Variants in PPP1R12A observed in about 807,000 individuals in gnomAD.
PPP1R12A encodes the protein protein phosphatase 1 regulatory subunit 12A, also known as myosin binding subunit.
In PPP1R12A, 19 loss-of-function variants were observed where a neutral mutation model predicts 139.6. The observed-to-expected ratio is 0.14, with a 90% CI of 0.09 to 0.20. PPP1R12A has a LOEUF of 0.20. Ranked by LOEUF, PPP1R12A falls within the 10% of genes least tolerant of loss-of-function variation. The probability of loss-of-function intolerance (pLI) is 1.00; values close to 1 mark genes in which losing one functional copy is unlikely to be tolerated. For synonymous variants in PPP1R12A, 427 were observed against 420.6 expected, an observed-to-expected ratio of 1.02 and a Z score of -0.19; for missense variants, 925 against 1,211.5, an observed-to-expected ratio of 0.76 and a Z score of 3.51.
chr12:79,890,897 ACACC>A (rs759199406), intron 1 of PPP1R12A, among the ~76,000 whole-genome samples: 169 of 90,924 alleles, frequency 1.9e-3, no homozygotes, highest in East Asian at 0.013. Context: ...CCACCCACCC[ACACC>A]CACCCACACA....
intron 4 of PPP1R12A, among the ~76,000 whole-genome samples, chr12:79,829,759 TATGAACA>T (rs1396871129): frequency 6.6e-6 from 1 of 151,988 alleles, no homozygotes; most frequent in East Asian, 1.9e-4. Flanking sequence ...CATTAGGAAA[TATGAACA>T]ATAATAATGT....
chr12:79,898,871 TAAA>T (rs1471580831), intron 1 of PPP1R12A, among the ~76,000 whole-genome samples: 1 of 152,160 alleles, frequency 6.6e-6, no homozygotes, highest in Non-Finnish European at 1.5e-5. Context: ...TCTACTTAAA[TAAA>T]AACATTTTTA....
At chr12:79,930,250 C>G (rs1888150600) in intron 1 of PPP1R12A, among the ~76,000 whole-genome samples, 1 of 152,006 alleles carries the variant, frequency 6.6e-6, no homozygotes. Flanking sequence ...ATGTAAAGAT[C>G]TAGTTGAAAC....
At chr12:79,920,255 T>C (rs755865708) in intron 1 of PPP1R12A, among the ~76,000 whole-genome samples, 7 of 152,254 alleles carry the variant, frequency 4.6e-5, no homozygotes, top group Non-Finnish European at 8.8e-5. Flanking sequence ...CATATCACTT[T>C]ATTCATCAGC....
In PPP1R12A at chr12:79,822,625, T is replaced by G. The variant is rs1253305650; in HGVS notation, c.793-435A>C. 2.0e-5 allele frequency among the ~76,000 whole-genome samples: 3 copies of G among 152,220 alleles called. No homozygotes were observed. The East Asian group carries it at 5.8e-4, about 29-fold the overall frequency. ...TACTTTCTGTCTCTATAGGTCTACC[T>G]ATGCTAGGCATTTCCTATAAATGGA... On this transcript the variant is annotated intron_variant, in intron 5 of 24. Coordinates refer to ENST00000450142, the MANE Select transcript of PPP1R12A (RefSeq NM_002480.3).
chr12:79,876,985 T>C (rs981078847), intron 1 of PPP1R12A, among the ~76,000 whole-genome samples: 27 of 151,644 alleles, frequency 1.8e-4, no homozygotes, highest in African/African-American at 6.3e-4. Flanking sequence ...CACTCCAGCC[T>C]GGGCAACAGA....
chr12:79,895,135 G>A (rs988690358), intron 1 of PPP1R12A, among the ~76,000 whole-genome samples: 1 of 152,004 alleles, frequency 6.6e-6, no homozygotes, highest in Non-Finnish European at 1.5e-5. Context: ...TCCAATATGG[G>A]GGGAAAAGTT....
At chr12:79,879,372 A>T (rs570864003) in intron 1 of PPP1R12A, among the ~76,000 whole-genome samples, 23 of 152,288 alleles carry the variant, frequency 1.5e-4, no homozygotes, top group Admixed American at 1.4e-3. Context: ...TCTCAAAAAA[A>T]AAAGAAAACA....
intron 20 of PPP1R12A, among the ~76,000 whole-genome samples, chr12:79,790,210 A>T (rs1871660269): frequency 6.6e-6 from 1 of 152,192 alleles, no homozygotes; most frequent in Non-Finnish European, 1.5e-5. Context: ...TAATAATGAG[A>T]TAGTTGAACT....
At chr12:79,836,895 C>T (rs1201141116) in intron 3 of PPP1R12A, among the ~76,000 whole-genome samples, 1 of 152,194 alleles carries the variant, frequency 6.6e-6, no homozygotes, top group African/African-American at 2.4e-5. Flanking sequence ...ACTAGCTGTA[C>T]TCCCTCAGGG....
chr12:79,848,394 G>C (rs1381370106), intron 2 of PPP1R12A, among the ~76,000 whole-genome samples: 1 of 152,008 alleles, frequency 6.6e-6, no homozygotes, highest in Non-Finnish European at 1.5e-5. Context: ...CATCTATTCT[G>C]CTTGGGTATC....
At chr12:79,876,706 G>A (rs767945019) in intron 1 of PPP1R12A, among the ~76,000 whole-genome samples, 8 of 152,082 alleles carry the variant, frequency 5.3e-5, no homozygotes, top group Non-Finnish European at 1.2e-4. Context: ...TTTCCCTAAG[G>A]AAGAAAATGA....
chr12:79,837,752 G>A (rs959442265), intron 3 of PPP1R12A, among the ~76,000 whole-genome samples: 29 of 152,060 alleles, frequency 1.9e-4, no homozygotes, highest in Admixed American at 1.4e-3. Context: ...CTCTCCAGCC[G>A]CCATGTGAAG....
In PPP1R12A at chr12:79,774,321, T is replaced by TC. The variant is rs979335293; in HGVS notation, c.*1607dup. On this transcript the variant is annotated 3_prime_UTR_variant, in exon 25 of 25. Transcript: ENST00000450142. ...CAATCGAGAGAGAGAGGACTTAAAA[T>TC]CCTGCTTACCAAAACACCCTTCCCC... 1.3e-5 allele frequency: 2 copies of TC among 152,508 alleles called. No homozygotes were observed. Among genetic ancestry groups the TC allele is most frequent in the Non-Finnish European group, 2.9e-5 (2 of 67,982 alleles). The allele number at this position is 152,508 out of a possible 1,614,324, so 9.4% of individuals were successfully genotyped here.
chr12:79,871,271 T>C (rs545150711), intron 2 of PPP1R12A, among the ~76,000 whole-genome samples: 9 of 152,312 alleles, frequency 5.9e-5, no homozygotes, highest in South Asian at 2.1e-4. Context: ...GCTAAAAGCA[T>C]TCCAACTGAC....
chr12:79,873,047 T>C, intron 1 of PPP1R12A, 109 bp from the exon 2 acceptor site: 1 of 1,177,986 alleles, frequency 8.5e-7, no homozygotes, highest in Non-Finnish European at 1.2e-6. Context: ...ATAAATATTC[T>C]CTGTAAATAA....
At chr12:79,828,989 C>CA (rs1324785553) in intron 4 of PPP1R12A, among the ~76,000 whole-genome samples, 1 of 151,986 alleles carries the variant, frequency 6.6e-6, no homozygotes, top group African/African-American at 2.4e-5. Flanking sequence ...AGGAAAATGA[C>CA]AATCTTTTAA....
intron 23 of PPP1R12A, chr12:79,779,260 G>A: frequency 2.5e-6 from 3 of 1,193,872 alleles, no homozygotes; most frequent in Admixed American, 2.3e-5. Flanking sequence ...AAGCATTCTG[G>A]GGTGTTATGC....
chr12:79,935,368 C>G (rs1030607652), upstream of PPP1R12A: 31 of 999,496 alleles, frequency 3.1e-5, no homozygotes, highest in Admixed American at 1.5e-3. Flanking sequence ...AAGGAGGAAG[C>G]GGGGAAGGAA....
Sources: allele counts gnomAD v4.1 joint callset (sites outside exome capture counted in the v4.1 genomes callset), GRCh38; gene constraint gnomAD v4.1.1; transcripts MANE v1.5; gene names NCBI Gene and HGNC (gene_info 2026-07-23, HGNC 2026-07-21).